STPG4: variants seen among roughly 807,000 people sequenced by gnomAD.
The protein encoded by STPG4 is sperm-tail PG-rich repeat containing 4, also known as protein STPG4.
STPG4 carries 41 observed loss-of-function variants against 31.5 expected under a neutral mutation model. The observed-to-expected ratio is 1.30, with a 90% CI of 1.01 to 1.69. The LOEUF is 1.69. Ranked by LOEUF, STPG4 falls within the 40% of genes most tolerant of loss-of-function variation. The pLI, the probability that STPG4 is intolerant of heterozygous loss-of-function variation, is 0.00. For missense variants in STPG4, 375 were observed against 293.4 expected, an observed-to-expected ratio of 1.28 and a Z score of -2.03; for synonymous variants, 141 against 103.0, an observed-to-expected ratio of 1.37 and a Z score of -2.24.
At chr2:47,109,582 G>A (rs2103752396) in intron 5 of STPG4, among the ~76,000 whole-genome samples, 1 of 149,890 alleles carries the variant, frequency 6.7e-6, no homozygotes, top group Non-Finnish European at 1.5e-5. Flanking sequence ...AAAAATTCTA[G>A]CACATCTATA....
intron 5 of STPG4, among the ~76,000 whole-genome samples, chr2:47,113,707 G>T (rs556266059): frequency 1.3e-5 from 2 of 152,180 alleles, no homozygotes; most frequent in Non-Finnish European, 2.9e-5. Context: ...ATAATCTTTA[G>T]TAAATCCCAT....
rs144835643 is a variant in STPG4, at chr2:47,094,011, G to A, written c.520-3637C>T. ...CATTTCTGAACCCAGTTCAATAGGA[G>A]GGTGTTTAAAACAAGAGGGACATTT... On this transcript the variant is annotated intron_variant, in intron 5 of 6. Transcript: ENST00000445927. Among the ~76,000 whole-genome samples the A allele has an allele frequency of 3.3e-3, 498 of 152,318 alleles. 4 individuals carry two copies. The highest frequency in any genetic ancestry group is 0.012 in the African/African-American group (483 of 41,562).
At chr2:47,095,430 G>C (rs149967644) in intron 5 of STPG4, among the ~76,000 whole-genome samples, 1 of 152,178 alleles carries the variant, frequency 6.6e-6, no homozygotes, top group African/African-American at 2.4e-5. Flanking sequence ...TGCGAATGAG[G>C]CATGAACAGA....
chr2:47,155,177 T>C lies in STPG4; in HGVS notation c.75A>G (p.Thr25=). ...EDLVGGESFI[T]ASKPAQKTSS... ...AAGGGGCAGGCCATCTTACCGAAGCTGTGATGAATGATTCTCCACCCACCA... is the reference window on the plus strand; with the variant it reads ...AAGGGGCAGGCCATCTTACCGAAGCCGTGATGAATGATTCTCCACCCACCA... Residue 25 remains threonine (T), a synonymous_variant, in exon 1 of 7, where the codon ACA becomes ACG. Transcript: ENST00000445927. The C allele has an allele frequency of 6.2e-7, 1 of 1,614,080 alleles. No individual in the cohort carries two copies. The highest frequency in any genetic ancestry group is 8.5e-7 in the Non-Finnish European group (1 of 1,179,998).
chr2:47,096,323 G>A (rs1045592246), intron 5 of STPG4, among the ~76,000 whole-genome samples: 2 of 152,198 alleles, frequency 1.3e-5, no homozygotes, highest in Non-Finnish European at 2.9e-5. Context: ...TCTCAAGGAA[G>A]TACATTTGAG....
chr2:47,125,603 T>G (rs1045383157), intron 5 of STPG4, among the ~76,000 whole-genome samples: 2 of 152,218 alleles, frequency 1.3e-5, no homozygotes, highest in Admixed American at 1.3e-4. Flanking sequence ...CATTTACACA[T>G]TTTTGCTTTG....
chr2:47,092,750 CCA>C (rs1214917853), intron 5 of STPG4, among the ~76,000 whole-genome samples: 1 of 151,536 alleles, frequency 6.6e-6, no homozygotes, highest in African/African-American at 2.4e-5. Context: ...CAAATGAGCA[CCA>C]CAGTTTTCGC....
intron 5 of STPG4, among the ~76,000 whole-genome samples, chr2:47,124,677 A>T (rs1288124096): frequency 6.6e-6 from 1 of 152,190 alleles, no homozygotes; most frequent in Non-Finnish European, 1.5e-5. Flanking sequence ...TTCATCTGCT[A>T]ATGTACACTA....
chr2:47,114,790 CAG>C (rs1213478673), intron 5 of STPG4, among the ~76,000 whole-genome samples: 2 of 151,840 alleles, frequency 1.3e-5, no homozygotes, highest in South Asian at 2.1e-4. Context: ...TTTTTTAAGA[CAG>C]AGTCTTGCTC....
At position 47,093,037 on chromosome 2, in the gene STPG4, C is replaced by T. The variant is rs754061388; in HGVS notation, c.520-2663G>A. On this transcript the variant is annotated intron_variant, in intron 5 of 6. Transcript: ENST00000445927. ...CGAACTCCTGACCTCATGATCTGCC[C>T]GCCTCAGCCTCTCAAAGTGCTGGGA... Among the ~76,000 whole-genome samples, 6 of 152,170 alleles carry T rather than the reference C, an allele frequency of 3.9e-5. No individual in the cohort carries two copies. In the East Asian group the frequency reaches 5.8e-4, roughly 15 times the overall value.
intron 3 of STPG4, among the ~76,000 whole-genome samples, chr2:47,141,342 GAAGA>G (rs1003249744): frequency 1.4e-5 from 2 of 147,188 alleles, no homozygotes; most frequent in African/African-American, 2.5e-5. Context: ...AAAAAAAAAA[GAAGA>G]AAGAAAGAAA....
In STPG4 at chr2:47,144,937, A is replaced by G. The variant is rs1345803023; in HGVS notation, c.399+6321T>C. ...AGTAGAGATGGGGTTTCACTGTGTT[A>G]GCCAGGAAGGTCTTGATCTCTTGAC... is the stretch of plus-strand genomic sequence containing the variant. On this transcript the variant is annotated intron_variant, in intron 3 of 6. Coordinates refer to ENST00000445927, the MANE Select transcript of STPG4 (RefSeq NM_001163561.2). 3.3e-5 allele frequency among the ~76,000 whole-genome samples: 5 copies of G among 152,314 alleles called. No individual in the cohort carries two copies. The East Asian group carries it at 5.8e-4, about 18-fold the overall frequency.
chr2:47,097,527 G>T (rs1031232399), intron 5 of STPG4, among the ~76,000 whole-genome samples: 1 of 152,104 alleles, frequency 6.6e-6, no homozygotes, highest in Non-Finnish European at 1.5e-5. Context: ...GAGGAAGCTT[G>T]TCTGCCTTCC....
intron 5 of STPG4, among the ~76,000 whole-genome samples, chr2:47,128,158 C>A (rs1379438901): frequency 6.6e-6 from 1 of 152,200 alleles, no homozygotes; most frequent in Non-Finnish European, 1.5e-5. Flanking sequence ...GATTACCAGG[C>A]AGAGACTCTG....
At chr2:47,115,652 C>CTTTTTTT (rs70940657) in intron 5 of STPG4, among the ~76,000 whole-genome samples, 11 of 113,316 alleles carry the variant, frequency 9.7e-5, no homozygotes, top group South Asian at 2.8e-4. Flanking sequence ...ACATTAAAGG[C>CTTTTTTT]TTTTTTTTTT....
intron 6 of STPG4, among the ~76,000 whole-genome samples, chr2:47,087,898 G>A (rs753487403): frequency 2.8e-4 from 42 of 151,312 alleles, no homozygotes; most frequent in Admixed American, 2.6e-3. Context: ...ACAGGTGCCC[G>A]CCACCACCAC....
rs779123105 is a variant in STPG4, at chr2:47,114,027, C to CA, written c.519+15913dup. Among the ~76,000 whole-genome samples the CA allele has an allele frequency of 6.1e-3, 762 of 124,344 alleles. 3 individuals are homozygous for CA. The highest frequency in any genetic ancestry group is 7.0e-3 in the Non-Finnish European group (409 of 58,494). The allele number at this position is 124,344 out of a possible 152,430, so 81.6% of individuals were successfully genotyped here. On this transcript the variant is annotated intron_variant, in intron 5 of 6. Coordinates refer to ENST00000445927, the MANE Select transcript of STPG4 (RefSeq NM_001163561.2). ...CTGGGCGACAAAGTGAGACTTGTCT[C>CA]AAAAAAAAAAACAAAAACAAAAACA... is the stretch of plus-strand genomic sequence containing the variant.
intron 3 of STPG4, among the ~76,000 whole-genome samples, 189 bp downstream of exon 3, chr2:47,151,069 G>T (rs1437638318): frequency 1.3e-5 from 2 of 152,066 alleles, no homozygotes; most frequent in East Asian, 1.9e-4. Flanking sequence ...TTAAGAAGAT[G>T]TTATAGGGAA....
intron 3 of STPG4, among the ~76,000 whole-genome samples, chr2:47,148,118 A>G (rs1186199272): frequency 6.6e-6 from 1 of 151,866 alleles, no homozygotes; most frequent in Non-Finnish European, 1.5e-5. Flanking sequence ...TGCCCAGCTA[A>G]TTTTTGTATT....
Sources: allele counts gnomAD v4.1 joint callset (sites outside exome capture counted in the v4.1 genomes callset), GRCh38; gene constraint gnomAD v4.1.1; transcripts MANE v1.5; gene names NCBI Gene and HGNC (gene_info 2026-07-23, HGNC 2026-07-21).